Variants in RCAN1 observed in about 807,000 individuals in gnomAD.
RCAN1 encodes the protein regulator of calcineurin 1.
Under a neutral mutation model 22.9 loss-of-function variants are expected in RCAN1, and 11 were observed. The ratio of observed to expected loss-of-function variants is 0.48; its 90% confidence interval spans 0.30 to 0.79. RCAN1 has a LOEUF of 0.79. Among genes scored for constraint, RCAN1 ranks in the 30% least tolerant of loss-of-function variants. The probability of loss-of-function intolerance (pLI) is 0.06; values close to 1 mark genes in which losing one functional copy is unlikely to be tolerated. For synonymous variants in RCAN1, 136 were observed against 142.3 expected, an observed-to-expected ratio of 0.96 and a Z score of 0.32; for missense variants, 291 against 337.8, an observed-to-expected ratio of 0.86 and a Z score of 1.09.
intron 1 of RCAN1, chr21:34,525,641 T>A: frequency 3.0e-6 from 1 of 329,862 alleles, no homozygotes; most frequent in Admixed American, 4.8e-5. Context: ...ATTCACATTA[T>A]CTTTAAAATC....
At chr21:34,520,091 C>T (rs549441328) in intron 3 of RCAN1, among the ~76,000 whole-genome samples, 8 of 152,270 alleles carry the variant, frequency 5.3e-5, no homozygotes, top group Non-Finnish European at 7.4e-5. Flanking sequence ...GCAAAATCTC[C>T]GCAATCCTGT....
intron 1 of RCAN1, among the ~76,000 whole-genome samples, chr21:34,558,571 T>C (rs938022766): frequency 6.6e-6 from 1 of 152,256 alleles, no homozygotes; most frequent in Non-Finnish European, 1.5e-5. Context: ...ATCACATTTC[T>C]AACAACCAAG....
rs541871108 is a variant in RCAN1 at position 34,594,982 on chromosome 21, G to A, written c.252+19778C>T. ...TTGCCCCCTCCTCCAACTTAGCTGT[G>A]CAACATGGGCAAGTTACTTCACCTC... On this transcript the variant is annotated intron_variant, in intron 1 of 3. Transcript: ENST00000313806. Among the ~76,000 whole-genome samples the A allele has an allele frequency of 3.9e-5, 6 of 152,302 alleles. No homozygotes were observed. In the East Asian group the frequency reaches 5.8e-4, roughly 15 times the overall value.
chr21:34,564,975 G>T (rs1986949480), intron 1 of RCAN1, among the ~76,000 whole-genome samples: 1 of 152,160 alleles, frequency 6.6e-6, no homozygotes, highest in East Asian at 1.9e-4. Flanking sequence ...CAAGACAGTA[G>T]GATTGCTTGG....
At chr21:34,559,746 G>A (rs1212492575) in intron 1 of RCAN1, 1 of 152,172 alleles carries the variant, frequency 6.6e-6, no homozygotes, top group Non-Finnish European at 1.5e-5. Context: ...AGGATATAGG[G>A]AAGGTGTTAA....
At chr21:34,547,847 C>G (rs966020698) in intron 1 of RCAN1, among the ~76,000 whole-genome samples, 3 of 152,166 alleles carry the variant, frequency 2.0e-5, no homozygotes, top group African/African-American at 4.8e-5. Flanking sequence ...AACCGCAAAC[C>G]AAATAAATCT....
intron 1 of RCAN1, among the ~76,000 whole-genome samples, chr21:34,548,046 A>G (rs62214574): frequency 0.24 from 36,655 of 152,062 alleles, 5,158 homozygotes; most frequent in African/African-American, 0.39. Flanking sequence ...GGAATCAACC[A>G]TGCTGGCAGC....
intron 3 of RCAN1, among the ~76,000 whole-genome samples, chr21:34,520,435 T>C (rs1217869106): frequency 6.6e-6 from 1 of 152,210 alleles, no homozygotes; most frequent in Non-Finnish European, 1.5e-5. Flanking sequence ...GATCTTGACC[T>C]TCACGCCACA....
chr21:34,563,794 T>TATAGAGAG (rs765741781), intron 1 of RCAN1, among the ~76,000 whole-genome samples: 29 of 48,728 alleles, frequency 6.0e-4, no homozygotes, highest in African/African-American at 5.9e-4. Context: ...TATATATATA[T>TATAGAGAG]AGAGAGAGAG....
chr21:34,598,068 G>A (rs1292798888), intron 1 of RCAN1, among the ~76,000 whole-genome samples: 1 of 152,118 alleles, frequency 6.6e-6, no homozygotes, highest in East Asian at 1.9e-4. Flanking sequence ...TAACACCACA[G>A]GAACCTAGGA....
At chr21:34,605,003 A>C (rs1267184953) in intron 1 of RCAN1, among the ~76,000 whole-genome samples, 4 of 152,354 alleles carry the variant, frequency 2.6e-5, no homozygotes, top group South Asian at 4.1e-4. Context: ...CGGCATGCAT[A>C]AACATCCATT....
chr21:34,611,812 G>C (rs1405877924), intron 1 of RCAN1, among the ~76,000 whole-genome samples: 1 of 152,198 alleles, frequency 6.6e-6, no homozygotes, highest in Non-Finnish European at 1.5e-5. Context: ...CTAGAAGGAT[G>C]GTTTCAGCTA....
chr21:34,557,346 C>T (rs1041898847), intron 1 of RCAN1, among the ~76,000 whole-genome samples: 3 of 152,222 alleles, frequency 2.0e-5, no homozygotes, highest in African/African-American at 7.2e-5. Flanking sequence ...CTCCAGCCAC[C>T]TATGTCAGAA....
At chr21:34,554,021 G>C (rs1986465125) in intron 1 of RCAN1, among the ~76,000 whole-genome samples, 1 of 152,132 alleles carries the variant, frequency 6.6e-6, no homozygotes, top group Admixed American at 6.5e-5. Context: ...GCCTCAATTT[G>C]CTGGCATTTT....
intron 1 of RCAN1, among the ~76,000 whole-genome samples, chr21:34,573,092 G>T (rs552035146): frequency 2.6e-5 from 4 of 152,300 alleles, no homozygotes; most frequent in African/African-American, 9.6e-5. Context: ...TAAAAATTCT[G>T]CATGCAAGAT....
At chr21:34,582,581 G>A (rs558600751) in intron 1 of RCAN1, among the ~76,000 whole-genome samples, 122 of 152,296 alleles carry the variant, frequency 8.0e-4, no homozygotes, top group Middle Eastern at 6.8e-3. Flanking sequence ...CCCAGCTGTG[G>A]TATTGGAGAC....
intron 1 of RCAN1, chr21:34,526,801 T>A (rs554980811): frequency 2.6e-6 from 4 of 1,568,416 alleles, no homozygotes; most frequent in East Asian, 4.6e-5. Flanking sequence ...AAGCCCCTAG[T>A]GAGATTCCTT....
At chr21:34,601,682 G>T (rs1988353004) in intron 1 of RCAN1, among the ~76,000 whole-genome samples, 2 of 152,068 alleles carry the variant, frequency 1.3e-5, no homozygotes, top group Non-Finnish European at 1.5e-5. Flanking sequence ...GCCAGGCGTG[G>T]TGGTGGGCGC....
In RCAN1 at chr21:34,520,394, G is replaced by A. The variant is rs543490615; in HGVS notation, c.586+1105C>T. On this transcript the variant is annotated intron_variant, in intron 3 of 3. Transcript: ENST00000313806. ...CCCGGGCCAGGAGCTGCTGTGGGGG[G>A]AGCACACGCTTCCTCAAAATGGCCA... 3.0e-4 allele frequency among the ~76,000 whole-genome samples: 46 copies of A among 152,250 alleles called. No individual in the cohort carries two copies. The East Asian group carries it at 6.8e-3, about 22-fold the overall frequency.
Sources: gnomAD v4.1 joint callset for allele counts (sites outside exome capture counted in the v4.1 genomes callset) on GRCh38, gnomAD v4.1.1 for gene constraint, MANE v1.5 for transcripts, NCBI Gene and HGNC (gene_info 2026-07-23, HGNC 2026-07-21) for gene names.